Variants in CHRNG observed in about 807,000 individuals in gnomAD.
The protein encoded by CHRNG is acetylcholine receptor subunit gamma.
Under a neutral mutation model 65.2 loss-of-function variants are expected in CHRNG, and 72 were observed. That is an observed-to-expected ratio of 1.10 (90% CI 0.91 to 1.34). The LOEUF is 1.34. CHRNG is among the 40% of genes most tolerant of loss of function. CHRNG has a pLI of 0.00. For synonymous variants in CHRNG, 284 were observed against 290.2 expected (o/e 0.98, Z 0.22); for missense variants, 637 against 680.1 (o/e 0.94, Z 0.70).
chr2:232,543,141 G>T, intron 7 of CHRNG, 59 bp downstream of exon 7: 1 of 1,574,316 alleles, frequency 6.4e-7, no homozygotes. Flanking sequence ...TGGGAGGCCG[G>T]GGTGGGCCCT....
intron 10 of CHRNG, 29 bp from the exon 11 acceptor site, chr2:232,544,743 T>A: frequency 6.2e-7 from 1 of 1,613,482 alleles, no homozygotes; most frequent in South Asian, 1.1e-5. Flanking sequence ...TCCATTCTAC[T>A]CCCAAACCTT....
intron 10 of CHRNG, 39 bp downstream of exon 10, chr2:232,544,619 T>C (rs766603708): frequency 8.2e-6 from 13 of 1,583,824 alleles, no homozygotes; most frequent in African/African-American, 6.7e-5. Flanking sequence ...AGTCCTCCCC[T>C]GGGACCCCAG....
chr2:232,545,268 C>T (rs1179437478), intron 11 of CHRNG, among the ~76,000 whole-genome samples: 1 of 150,794 alleles, frequency 6.6e-6, no homozygotes, highest in Admixed American at 6.6e-5. Flanking sequence ...GCCAAGATCG[C>T]ACCACTGCAC....
At chr2:232,545,356 CA>C (rs1441071991) in intron 11 of CHRNG, among the ~76,000 whole-genome samples, 186 bp from the exon 12 acceptor site, 1 of 141,088 alleles carries the variant, frequency 7.1e-6, no homozygotes. Context: ...GAAAAAGGAA[CA>C]GGGGCAGGGG....
rs1259059335 is a variant in CHRNG, at chr2:232,540,263, T to G, written c.196-118T>G. On this transcript the variant is annotated intron_variant, in intron 2 of 11. Coordinates refer to ENST00000651502, the MANE Select transcript of CHRNG (RefSeq NM_005199.5). This position sits in a 1 kb window ranked among gnomAD's most constrained non-coding sequence, Gnocchi z 4.2. The stretch of plus-strand genomic sequence containing the variant: ...CAGGCTGGGGTCTGGAAAACCCCCA[T>G]GGTTGTGGGGGGAGTACTATCAAGA... The G allele has an allele frequency of 6.3e-7, 1 of 1,586,370 alleles. No homozygotes were observed. The highest frequency in any genetic ancestry group is 8.7e-7 in the Non-Finnish European group (1 of 1,155,508).
Position 232,542,905 on chromosome 2 carries a change from C to A in CHRNG, c.628C>A (p.His210Asn). 1 of 1,613,958 alleles carries A rather than the reference C, an allele frequency of 6.2e-7. No individual in the cohort carries two copies. The highest frequency in any genetic ancestry group is 8.5e-7 in the Non-Finnish European group (1 of 1,180,022). ...AGAGAATGGGGAGTGGGCCATCCAGCACCGACCAGCCAAGATGCTCCTGGA... is the reference window on the plus strand; with the variant it reads ...AGAGAATGGGGAGTGGGCCATCCAGAACCGACCAGCCAAGATGCTCCTGGA... ...FTENGEWAIQ[H>N]RPAKMLLDPA... The change falls in exon 7 of 12, where the codon CAC (histidine) becomes AAC (asparagine). Residue 210 changes from histidine to asparagine, a missense_variant. Coordinates refer to ENST00000651502, the MANE Select transcript of CHRNG (RefSeq NM_005199.5).
At position 232,541,134 on chromosome 2, in the gene CHRNG, A is replaced by G. The variant is rs540272075; in HGVS notation, c.351-240A>G. ...ATTATTATTATGATTAAAACAAGAG[A>G]GAGTAAGATAAGCAGAAATTAGGAG... On this transcript the variant is annotated intron_variant, in intron 4 of 11. Coordinates refer to ENST00000651502, the MANE Select transcript of CHRNG (RefSeq NM_005199.5). This position sits in a 1 kb window ranked among gnomAD's most constrained non-coding sequence, Gnocchi z 4.0. 6.7e-6 allele frequency among the ~76,000 whole-genome samples: 1 copy of G among 148,978 alleles called. No individual in the cohort carries two copies. The highest frequency in any genetic ancestry group is 2.0e-4 in the East Asian group (1 of 4,942).
At position 232,540,735 on chromosome 2, in the gene CHRNG, G is replaced by T. The variant is rs753146180; in HGVS notation, c.350+24G>T. On this transcript the variant is annotated intron_variant, in intron 4 of 11. Coordinates refer to ENST00000651502, the MANE Select transcript of CHRNG (RefSeq NM_005199.5). This position sits in a 1 kb window ranked among gnomAD's most constrained non-coding sequence, Gnocchi z 4.2. ...AAGTGAGGAGGGGGTGCAGGCAGGG[G>T]TGTGGGGGACAAAGGACACAGGGTC... is the stretch of plus-strand genomic sequence containing the variant. 3 of 1,592,924 alleles carry T rather than the reference G, an allele frequency of 1.9e-6. No homozygotes were observed. The highest frequency in any genetic ancestry group is 2.6e-6 in the Non-Finnish European group (3 of 1,167,532).
In CHRNG at chr2:232,542,934, A is replaced by G; in HGVS notation, c.657A>G (p.Pro219=). 1 of 1,614,168 alleles carries G rather than the reference A, an allele frequency of 6.2e-7. No homozygotes were observed. The highest frequency in any genetic ancestry group is 8.5e-7 in the Non-Finnish European group (1 of 1,180,012). ...GACCAGCCAAGATGCTCCTGGACCC[A>G]GCGGCGCCAGCCCAGGAAGCAGGCC... ...QHRPAKMLLD[P]AAPAQEAGHQ... The change falls in exon 7 of 12, where the codon CCA becomes CCG. Residue 219 remains proline, a synonymous_variant. Transcript: ENST00000651502.
Position 232,544,580 on chromosome 2 carries a change from G to C in CHRNG, c.1249G>C (p.Glu417Gln). ...GLVAAALEKL[E>Q]KGPELGLSQF... is the part of the protein sequence containing the mutation. ...GGTGGCGGCAGCGCTGGAGAAGCTAGGTGAGACACACCAGGTGTGCCTGGG... is the reference window on the plus strand; with the variant it reads ...GGTGGCGGCAGCGCTGGAGAAGCTACGTGAGACACACCAGGTGTGCCTGGG... The change falls in exon 10 of 12, where the codon GAG becomes CAG. Residue 417 changes from glutamate (E) to glutamine (Q), a missense_variant and splice_region_variant. Physicochemically the swap from Glu to Gln is conservative, Grantham distance 29. Coordinates refer to ENST00000651502, the MANE Select transcript of CHRNG (RefSeq NM_005199.5). 1 of 1,612,092 alleles carries C rather than the reference G, an allele frequency of 6.2e-7. No individual in the cohort carries two copies. Among genetic ancestry groups the C allele is most frequent in the South Asian group, 1.1e-5 (1 of 91,048 alleles).
At chr2:232,544,333 G>C in intron 9 of CHRNG, 34 bp from the exon 10 acceptor site, 2 of 1,539,172 alleles carry the variant, frequency 1.3e-6, no homozygotes, top group Non-Finnish European at 1.8e-6. Context: ...CTGAAGCTCG[G>C]CCTGCTGCCC....
Position 232,540,484 on chromosome 2 carries a change from C to T in CHRNG, c.240+59C>T, listed in dbSNP as rs1691993776. 38 of 1,606,430 alleles carry T rather than the reference C, an allele frequency of 2.4e-5. No individual in the cohort carries two copies. The South Asian group carries it at 4.1e-4, about 17-fold the overall frequency. Reference sequence around the variant, plus strand: ...GGGGTCCCACCCCACCACCCCAAGGCCTCCTGAGAGTTGCCTGCCCCGTTC... The same window carrying T: ...GGGGTCCCACCCCACCACCCCAAGGTCTCCTGAGAGTTGCCTGCCCCGTTC... On this transcript the variant is annotated intron_variant, in intron 3 of 11. Transcript: ENST00000651502. This position sits in a 1 kb window ranked among gnomAD's most constrained non-coding sequence, Gnocchi z 4.2.
Position 232,543,480 on chromosome 2 carries a change from A to ACCC in CHRNG, c.920+97_921-97dup, listed in dbSNP as rs34697564. On this transcript the variant is annotated intron_variant, in intron 8 of 11. Transcript: ENST00000651502. ...TGCATTGCCCTCTTGCCCTCCATCC[A>ACCC]CCCCCCCCATCCTCAATTCAGGAGG... The ACCC allele has an allele frequency of 0.16, 175,422 of 1,100,480 alleles. 4,670 individuals carry two copies. Among genetic ancestry groups the ACCC allele is most frequent in the Middle Eastern group, 0.18 (857 of 4,794 alleles). 68.2% of individuals were successfully genotyped at this position (1,100,480 alleles called of 1,614,324 possible). A position where few individuals can be genotyped will look rare whatever the true frequency, so the allele number is the denominator to read the frequency against.
Position 232,542,368 on chromosome 2 carries a change from C to T in CHRNG, c.507-55C>T, listed in dbSNP as rs145938094. Reference sequence around the variant, plus strand: ...TTGTCCCCAGAAGGTCATCCCCATGCAGTCGTGGCAGGTCCACCCGCTCAC... The same window carrying T: ...TTGTCCCCAGAAGGTCATCCCCATGTAGTCGTGGCAGGTCCACCCGCTCAC... On this transcript the variant is annotated intron_variant, in intron 5 of 11. Transcript: ENST00000651502. 78 of 1,144,002 alleles carry T rather than the reference C, an allele frequency of 6.8e-5. 1 individual carries two copies. In the African/African-American group the frequency reaches 8.6e-4, roughly 13 times the overall value. The allele number at this position is 1,144,002 out of a possible 1,614,324, so 70.9% of individuals were successfully genotyped here.
chr2:232,548,057 A>C lies in CHRNG; in HGVS notation c.*2341A>C. On this transcript the variant is annotated 3_prime_UTR_variant, in exon 12 of 12. Transcript: ENST00000651502. The stretch of plus-strand genomic sequence containing the variant: ...TGCAATAGCATTGTCTAATAAAACA[A>C]TATACATACCTAAATTTAAAAATAC... 1 of 582,462 alleles carries C rather than the reference A, an allele frequency of 1.7e-6. No individual in the cohort carries two copies. The highest frequency in any genetic ancestry group is 3.0e-6 in the Non-Finnish European group (1 of 333,940). The allele number at this position is 582,462 out of a possible 1,614,324, so 36.1% of individuals were successfully genotyped here.
rs777001051 is a variant in CHRNG at position 232,543,278 on chromosome 2, G to A, written c.809G>A (p.Gly270Glu). ...ILIHFLPAKA[G>E]GQKCTVAINV... Reference sequence around the variant, plus strand: ...AGAGCCTCTCGGTCATGGATAGCTGGGGGCCAGAAGTGTACCGTCGCCATC... The same window carrying A: ...AGAGCCTCTCGGTCATGGATAGCTGAGGGCCAGAAGTGTACCGTCGCCATC... The change falls in exon 8 of 12, where the codon GGG becomes GAG. Residue 270 changes from glycine to glutamate, a missense_variant. Gly to Glu is a moderately conservative substitution (Grantham distance 98). Coordinates refer to ENST00000651502, the MANE Select transcript of CHRNG (RefSeq NM_005199.5). 41 of 1,613,422 alleles carry A rather than the reference G, an allele frequency of 2.5e-5. No individual in the cohort carries two copies. The highest frequency in any genetic ancestry group is 3.2e-5 in the Non-Finnish European group (38 of 1,179,542).
At position 232,541,931 on chromosome 2, in the gene CHRNG, T is replaced by C. The variant is rs1485923797; in HGVS notation, c.506+402T>C. Reference sequence around the variant, plus strand: ...CCTGGCAGGGAATCCAGCGGAAGCATGTATGCAACCAAGCCACCCCTGGGG... The same window carrying C: ...CCTGGCAGGGAATCCAGCGGAAGCACGTATGCAACCAAGCCACCCCTGGGG... On this transcript the variant is annotated intron_variant, in intron 5 of 11. Coordinates refer to ENST00000651502, the MANE Select transcript of CHRNG (RefSeq NM_005199.5). The surrounding 1 kb of genome is among the most constrained non-coding windows in gnomAD (Gnocchi z 4.0). 8.7e-6 allele frequency: 3 copies of C among 343,088 alleles called. No homozygotes were observed. The highest frequency in any genetic ancestry group is 7.1e-5 in the East Asian group (1 of 14,112). The allele number at this position is 343,088 out of a possible 1,614,324, so 21.3% of individuals were successfully genotyped here.
Position 232,543,021 on chromosome 2 carries a change from C to T in CHRNG, c.744C>T (p.Ile248=). The change falls in exon 7 of 12, where the codon ATC becomes ATT. Residue 248 remains isoleucine, a synonymous_variant. Coordinates refer to ENST00000651502, the MANE Select transcript of CHRNG (RefSeq NM_005199.5). ...AGCCCCTCTTCTACGTCATCAACAT[C>T]ATCGCCCCCTGTGTGCTCATCTCCT... ...QRKPLFYVIN[I]IAPCVLISSV... 6.2e-7 allele frequency: 1 copy of T among 1,614,260 alleles called. No individual in the cohort carries two copies. The highest frequency in any genetic ancestry group is 8.5e-7 in the Non-Finnish European group (1 of 1,180,038).
chr2:232,543,485 C>CCG, intron 8 of CHRNG, 96 bp downstream of exon 8: 2 of 1,183,120 alleles, frequency 1.7e-6, no homozygotes, highest in South Asian at 2.6e-5. Context: ...CATCCACCCC[C>CCG]CCCATCCTCA....
Sources: allele counts gnomAD v4.1 joint callset (sites outside exome capture counted in the v4.1 genomes callset), GRCh38; gene constraint gnomAD v4.1.1; non-coding constraint Gnocchi (gnomAD v3.1); transcripts MANE v1.5; gene names NCBI Gene and HGNC (gene_info 2026-07-23, HGNC 2026-07-21).